The following BMAL2 variants were observed in gnomAD, a reference collection of about 807,000 sequenced individuals.
BMAL2 encodes basic helix-loop-helix ARNT-like protein 2.
At chr12:27,402,544 C>T in the BMAL2 span, 4 of 1,206,380 alleles carry the variant, frequency 3.3e-6, no homozygotes, top group Non-Finnish European at 4.7e-6. Flanking sequence ...ATTAAATATA[C>T]AGATCTTAGT....
At chr12:27,380,302 G>T in the BMAL2 span, 1 of 1,614,210 alleles carries the variant, frequency 6.2e-7, no homozygotes, top group Non-Finnish European at 8.5e-7. Flanking sequence ...TAACCTGATT[G>T]AAGAACTGTC....
the BMAL2 span, chr12:27,380,153 C>T: frequency 1.2e-5 from 16 of 1,284,160 alleles, no homozygotes; most frequent in Middle Eastern, 9.5e-4. Flanking sequence ...CAGTGTGTGC[C>T]TGCTGGGCTC....
the BMAL2 span, among the ~76,000 whole-genome samples, chr12:27,398,304 G>C: frequency 3.3e-5 from 5 of 152,234 alleles, no homozygotes; most frequent in Admixed American, 6.5e-5. Context: ...GGTAATACAG[G>C]CTTTTTCTCC....
chr12:27,339,228 T>C, the BMAL2 span, among the ~76,000 whole-genome samples: 1 of 152,226 alleles, frequency 6.6e-6, no homozygotes, highest in African/African-American at 2.4e-5. Flanking sequence ...TTTCTGGTCC[T>C]GTGTTAGTTT....
chr12:27,333,228 C>T, the BMAL2 span: 1 of 893,706 alleles, frequency 1.1e-6, no homozygotes, highest in Non-Finnish European at 1.3e-6. Context: ...CCTGTCCTCT[C>T]GGGCCGGAGC....
the BMAL2 span, chr12:27,415,907 C>T: frequency 1.2e-6 from 2 of 1,608,188 alleles, no homozygotes; most frequent in South Asian, 1.1e-5. Context: ...TCGAGTCCAA[C>T]AGGTTTAATG....
At chr12:27,374,112 A>G in the BMAL2 span, among the ~76,000 whole-genome samples, 1 of 152,210 alleles carries the variant, frequency 6.6e-6, no homozygotes, top group East Asian at 1.9e-4. Context: ...AAATTCACTC[A>G]GTGAGTTCAT....
chr12:27,344,899 A>G, the BMAL2 span, among the ~76,000 whole-genome samples: 7 of 152,214 alleles, frequency 4.6e-5, no homozygotes, highest in African/African-American at 1.4e-4. Flanking sequence ...CGTGTCAGGA[A>G]TCAGTAAAAG....
chr12:27,381,206 C>T, the BMAL2 span, among the ~76,000 whole-genome samples: 1 of 152,124 alleles, frequency 6.6e-6, no homozygotes, highest in African/African-American at 2.4e-5. Context: ...TGTGGGTGAT[C>T]ATTTCTGGCT....
the BMAL2 span, among the ~76,000 whole-genome samples, chr12:27,346,406 G>T: frequency 6.6e-6 from 1 of 152,102 alleles, no homozygotes; most frequent in Non-Finnish European, 1.5e-5. Flanking sequence ...GACTACAGGT[G>T]CGCATGCCAC....
At chr12:27,360,871 C>T in the BMAL2 span, among the ~76,000 whole-genome samples, 1,169 of 142,060 alleles carry the variant, frequency 8.2e-3, 6 homozygotes, top group Admixed American at 0.013. Flanking sequence ...AAGATTTTTC[C>T]GGGTTTGGAC....
the BMAL2 span, among the ~76,000 whole-genome samples, chr12:27,350,833 C>T: frequency 6.6e-6 from 1 of 152,004 alleles, no homozygotes; most frequent in Non-Finnish European, 1.5e-5. Flanking sequence ...GCGCCCACCA[C>T]CACGCCTGGC....
At chr12:27,409,929 G>A in the BMAL2 span, among the ~76,000 whole-genome samples, 1 of 152,010 alleles carries the variant, frequency 6.6e-6, no homozygotes, top group Non-Finnish European at 1.5e-5. Context: ...TAAAAAGTGG[G>A]CAAAGGATAT....
At chr12:27,401,262 C>G in the BMAL2 span, 1 of 1,613,580 alleles carries the variant, frequency 6.2e-7, no homozygotes, top group Non-Finnish European at 8.5e-7. Context: ...ACCAGGGCAA[C>G]AGCGATTTTA....
the BMAL2 span, among the ~76,000 whole-genome samples, chr12:27,386,295 T>C: frequency 6.6e-6 from 1 of 152,144 alleles, no homozygotes; most frequent in Non-Finnish European, 1.5e-5. Context: ...TTCTCACCAA[T>C]CTGTACATGC....
At chr12:27,410,134 T>A in the BMAL2 span, among the ~76,000 whole-genome samples, 13 of 151,630 alleles carry the variant, frequency 8.6e-5, no homozygotes, top group Non-Finnish European at 1.5e-4. Flanking sequence ...GGAACACTTT[T>A]ACACTGTTGG....
chr12:27,370,065 C>G, the BMAL2 span: 1 of 1,211,644 alleles, frequency 8.3e-7, no homozygotes, highest in Non-Finnish European at 1.2e-6. Context: ...CACTTGAGGA[C>G]AGGCTTGCTG....
the BMAL2 span, among the ~76,000 whole-genome samples, chr12:27,373,807 T>G: frequency 6.6e-6 from 1 of 152,246 alleles, no homozygotes; most frequent in Admixed American, 6.5e-5. Context: ...TCAAGAAAAC[T>G]GCATTGTATT....
chr12:27,360,741 T>G, the BMAL2 span, among the ~76,000 whole-genome samples: 1 of 144,488 alleles, frequency 6.9e-6, no homozygotes, highest in South Asian at 2.2e-4. Flanking sequence ...CAAGCAAATG[T>G]GGTTTGCGGG....
Sources: gnomAD v4.1 joint callset for allele counts (sites outside exome capture counted in the v4.1 genomes callset) on GRCh38, gnomAD v4.1.1 for gene constraint, MANE v1.5 for transcripts, NCBI Gene and HGNC (gene_info 2026-07-23, HGNC 2026-07-21) for gene names.